Variants in CRACR2A observed in about 807,000 individuals in gnomAD.
CRACR2A encodes calcium release activated channel regulator 2A, also known as EF-hand calcium-binding domain-containing protein 4B.
Under a neutral mutation model 90.5 loss-of-function variants are expected in CRACR2A, and 79 were observed. That is an observed-to-expected ratio of 0.87 (90% CI 0.73 to 1.05). CRACR2A has a LOEUF of 1.05. Among genes scored for constraint, CRACR2A ranks in the 50% least tolerant of loss-of-function variants. The probability of loss-of-function intolerance (pLI) is 0.00; values close to 1 mark genes in which losing one functional copy is unlikely to be tolerated. For synonymous variants in CRACR2A, 338 were observed against 356.7 expected (o/e 0.95, Z 0.59); for missense variants, 823 against 897.2 (o/e 0.92, Z 1.06).
chr12:3,641,562 T>C (rs1944571113), intron 13 of CRACR2A, among the ~76,000 whole-genome samples, 170 bp downstream of exon 13: 1 of 152,114 alleles, frequency 6.6e-6, no homozygotes, highest in African/African-American at 2.4e-5. Context: ...CCCTCTGGCT[T>C]AGATGTCAGA....
intron 2 of CRACR2A, among the ~76,000 whole-genome samples, chr12:3,722,008 AGTGTTTC>A (rs1176101351): frequency 5.3e-5 from 8 of 152,202 alleles, no homozygotes; most frequent in African/African-American, 1.7e-4. Context: ...GCTCACTGTC[AGTGTTTC>A]AATGGCCTTT....
At chr12:3,704,198 T>C (rs1299734401) in intron 3 of CRACR2A, among the ~76,000 whole-genome samples, 1 of 152,206 alleles carries the variant, frequency 6.6e-6, no homozygotes, top group South Asian at 2.1e-4. Flanking sequence ...AGACAAATTA[T>C]GGAATGCCAT....
chr12:3,620,763 G>A (rs574033132), intron 17 of CRACR2A, among the ~76,000 whole-genome samples: 1 of 152,274 alleles, frequency 6.6e-6, no homozygotes, highest in South Asian at 2.1e-4. Flanking sequence ...TTGGTCAGAT[G>A]GTAACTTGTG....
chr12:3,656,216 A>G lies in CRACR2A; in HGVS notation c.858+95T>C, dbSNP rs1367869237. ...AGTTCTTCTCAGGTTAAAAACTCAA[A>G]AGTCCTTAAGTGAATGGCAGGGAAA... On this transcript the variant is annotated intron_variant, in intron 9 of 19. Transcript: ENST00000440314. 2.4e-6 allele frequency: 3 copies of G among 1,234,700 alleles called. No homozygotes were observed. The Admixed American group carries it at 5.4e-5, about 22-fold the overall frequency. 76.5% of individuals were successfully genotyped at this position (1,234,700 alleles called of 1,614,324 possible).
In CRACR2A at chr12:3,654,198, A is replaced by T. The variant is rs1338244242; in HGVS notation, c.1046+14T>A. On this transcript the variant is annotated intron_variant, in intron 10 of 19. Coordinates refer to ENST00000440314, the MANE Select transcript of CRACR2A (RefSeq NM_001144958.2). ...CGGGAAGACAGCAGAGGAGTGGACA[A>T]AGGCTGGACTCACATCTCCTTCTCT... is the stretch of plus-strand genomic sequence containing the variant. 1.9e-6 allele frequency: 3 copies of T among 1,608,324 alleles called. No individual in the cohort carries two copies. The South Asian group carries it at 3.3e-5, about 18-fold the overall frequency.
chr12:3,685,349 G>A (rs1206598486), intron 4 of CRACR2A, among the ~76,000 whole-genome samples: 1 of 152,188 alleles, frequency 6.6e-6, no homozygotes, highest in Non-Finnish European at 1.5e-5. Context: ...TTACAAAATA[G>A]AATTATCCTA....
intron 1 of CRACR2A, among the ~76,000 whole-genome samples, chr12:3,735,193 C>T (rs1591721165): frequency 6.6e-6 from 1 of 152,238 alleles, no homozygotes; most frequent in South Asian, 2.1e-4. Context: ...AGAATTTTAT[C>T]TTTCAGTTAC....
chr12:3,649,721 A>ACCCTCC (rs1944761022), intron 10 of CRACR2A, among the ~76,000 whole-genome samples: 2 of 152,108 alleles, frequency 1.3e-5, no homozygotes, highest in African/African-American at 4.8e-5. Flanking sequence ...CCCTCAACAC[A>ACCCTCC]GTGCCTGGCA....
At chr12:3,694,450 C>A (rs905781900) in intron 4 of CRACR2A, among the ~76,000 whole-genome samples, 1 of 152,176 alleles carries the variant, frequency 6.6e-6, no homozygotes, top group African/African-American at 2.4e-5. Context: ...CCTTCCAGTT[C>A]CCATGAGGCT....
At chr12:3,693,166 G>A (rs1320776197) in intron 4 of CRACR2A, among the ~76,000 whole-genome samples, 1 of 152,234 alleles carries the variant, frequency 6.6e-6, no homozygotes, top group African/African-American at 2.4e-5. Flanking sequence ...GGGGGCTGCC[G>A]TGGGCCTGGG....
chr12:3,701,775 T>C (rs1160654360), intron 3 of CRACR2A, among the ~76,000 whole-genome samples: 1 of 152,140 alleles, frequency 6.6e-6, no homozygotes, highest in Non-Finnish European at 1.5e-5. Context: ...CTATACCGAC[T>C]CTTTCAGAAA....
intron 13 of CRACR2A, among the ~76,000 whole-genome samples, chr12:3,639,157 T>A (rs752272293): frequency 1.3e-5 from 2 of 152,058 alleles, no homozygotes; most frequent in Non-Finnish European, 2.9e-5. Context: ...ACAAGAGGCT[T>A]TGGGTCAGAA....
At chr12:3,671,729 C>G (rs1447353625) in intron 7 of CRACR2A, among the ~76,000 whole-genome samples, 4 of 152,214 alleles carry the variant, frequency 2.6e-5, no homozygotes, top group Non-Finnish European at 5.9e-5. Context: ...CCAGACAAAT[C>G]CTCTAAGATT....
chr12:3,689,795 G>A lies in CRACR2A; in HGVS notation c.228+6977C>T, dbSNP rs113201973. 1.3e-3 allele frequency among the ~76,000 whole-genome samples: 178 copies of A among 142,174 alleles called. 1 individual carries two copies. The highest frequency in any genetic ancestry group is 4.6e-3 in the African/African-American group (176 of 38,318). The allele number at this position is 142,174 out of a possible 152,430, so 93.3% of individuals were successfully genotyped here. ...CCAGCTTTTCTTTTTTTTTTTGGTT[G>A]GTAGGCTATTTATTACTGATTCAGT... On this transcript the variant is annotated intron_variant, in intron 4 of 19. Transcript: ENST00000440314.
At chr12:3,749,121 G>T (rs1946667629) in intron 1 of CRACR2A, among the ~76,000 whole-genome samples, 1 of 152,182 alleles carries the variant, frequency 6.6e-6, no homozygotes, top group South Asian at 2.1e-4. Context: ...TATAAAATGG[G>T]CATGATGGCA....
rs773139580 is a variant in CRACR2A at position 3,648,572 on chromosome 12, G to A, written c.1088C>T (p.Ala363Val). Residue 363 changes from alanine (A) to valine (V), a missense_variant, in exon 11 of 20, where the codon GCC becomes GTC. Ala to Val is a moderately conservative substitution (Grantham distance 64). Coordinates refer to ENST00000440314, the MANE Select transcript of CRACR2A (RefSeq NM_001144958.2). ...RVTESLQREK[A>V]GLLKQLDFLR... ...GAAATCCAGCTGCTTGAGGAGCCCG[G>A]CCTTCTCACGCTGTAGACTCTCCGT... is the stretch of plus-strand genomic sequence containing the variant. The A allele has an allele frequency of 3.7e-6, 6 of 1,614,122 alleles. No homozygotes were observed. Among genetic ancestry groups the A allele is most frequent in the Non-Finnish European group, 5.1e-6 (6 of 1,180,006 alleles).
chr12:3,708,534 C>T (rs1447470209), intron 3 of CRACR2A, among the ~76,000 whole-genome samples: 1 of 152,212 alleles, frequency 6.6e-6, no homozygotes, highest in East Asian at 1.9e-4. Flanking sequence ...GCGCCATTCT[C>T]CTGCCTCAGC....
At chr12:3,687,137 A>G (rs1945572053) in intron 4 of CRACR2A, among the ~76,000 whole-genome samples, 1 of 152,034 alleles carries the variant, frequency 6.6e-6, no homozygotes, top group Admixed American at 6.5e-5. Flanking sequence ...AATAAGAAGA[A>G]AGAAGAAAAA....
At chr12:3,715,415 G>C (rs942535159) in intron 2 of CRACR2A, among the ~76,000 whole-genome samples, 1 of 152,202 alleles carries the variant, frequency 6.6e-6, no homozygotes, top group African/African-American at 2.4e-5. Context: ...ACCAACCTGA[G>C]TCTCAAAGGG....
Sources: gnomAD v4.1 joint callset for allele counts (sites outside exome capture counted in the v4.1 genomes callset) on GRCh38, gnomAD v4.1.1 for gene constraint, MANE v1.5 for transcripts, NCBI Gene and HGNC (gene_info 2026-07-23, HGNC 2026-07-21) for gene names.